ABCC9: variants seen among roughly 807,000 people sequenced by gnomAD.
ABCC9 encodes the protein ATP binding cassette subfamily C member 9.
In ABCC9, 95 loss-of-function variants were observed where a neutral mutation model predicts 188.3. The ratio of observed to expected loss-of-function variants is 0.50; its 90% CI spans 0.43 to 0.60. ABCC9 has a LOEUF of 0.60. Ranked by LOEUF, ABCC9 falls within the 20% of genes least tolerant of loss-of-function variation. The pLI is 0.00. For missense variants in ABCC9, 1,102 were observed against 1,876.3 expected, an observed-to-expected ratio of 0.59 and a Z score of 7.62; for synonymous variants, 659 against 652.7, an observed-to-expected ratio of 1.01 and a Z score of -0.15.
intron 31 of ABCC9, among the ~76,000 whole-genome samples, chr12:21,827,924 T>C (rs1442265284): frequency 3.3e-5 from 5 of 152,246 alleles, no homozygotes; most frequent in Non-Finnish European, 7.3e-5. Flanking sequence ...TTGTTTAATC[T>C]GTATCCATCA....
At position 21,917,101 on chromosome 12, in the gene ABCC9, G is replaced by A. The variant is rs1306664325; in HGVS notation, c.409C>T (p.Leu137=). Residue 137 remains leucine, a splice_region_variant and synonymous_variant, in exon 6 of 40, where the codon CTG becomes TTG. Transcript: ENST00000261200. ...TSNFPKLLLA[L]FLYWVMAFIT... ...AAGGCCATTACCCAATACAGGAACA[G>A]GGCTGAAAAGAAAAAGACAAAAAGA... is the stretch of plus-strand genomic sequence containing the variant. 5.6e-6 allele frequency: 9 copies of A among 1,613,420 alleles called. No individual in the cohort carries two copies. The highest frequency in any genetic ancestry group is 7.6e-6 in the Non-Finnish European group (9 of 1,179,542).
intron 5 of ABCC9, among the ~76,000 whole-genome samples, chr12:21,921,807 A>G (rs965889724): frequency 6.6e-6 from 1 of 152,080 alleles, no homozygotes; most frequent in Non-Finnish European, 1.5e-5. Context: ...CAGTTTTCCC[A>G]GAACCATTTA....
At chr12:21,809,776 T>C in intron 37 of ABCC9, 76 bp downstream of exon 37, 1 of 852,022 alleles carries the variant, frequency 1.2e-6, no homozygotes, top group Non-Finnish European at 2.0e-6. Flanking sequence ...TATGTGATTA[T>C]AGCATAAAAC....
chr12:21,861,628 G>A (rs1333468490), intron 20 of ABCC9, among the ~76,000 whole-genome samples: 2 of 152,140 alleles, frequency 1.3e-5, no homozygotes, highest in East Asian at 1.9e-4. Flanking sequence ...GTGGAAGTGA[G>A]TATAAAGCAC....
In ABCC9 at chr12:21,936,623, CATCGTTG is replaced by C; in HGVS notation, c.45_51del (p.Ile15MetfsTer55). On this transcript the variant is annotated frameshift_variant, in exon 3 of 40. Transcript: ENST00000261200. LOFTEE classifies it high-confidence loss of function. ...ACAAAGCAGGAATTTTGTAGTACAC[CATCGTTG>C]ATATTATATGAAGAAATGTTGTTAC... 1 of 1,611,028 alleles carries C rather than the reference CATCGTTG, an allele frequency of 6.2e-7. No individual in the cohort carries two copies.
chr12:21,803,739 C>G (rs1346012618), intron 39 of ABCC9, among the ~76,000 whole-genome samples: 1 of 150,066 alleles, frequency 6.7e-6, no homozygotes, highest in Non-Finnish European at 1.5e-5. Flanking sequence ...ATCCAAATAA[C>G]TTTTCCTTGA....
intron 12 of ABCC9, among the ~76,000 whole-genome samples, chr12:21,900,982 A>G (rs1740670600): frequency 6.6e-6 from 1 of 152,212 alleles, no homozygotes; most frequent in Non-Finnish European, 1.5e-5. Context: ...CGAGAAGAGC[A>G]ACTCCAAGAC....
chr12:21,913,843 CTCAATTATGT>C (rs1010633066), intron 7 of ABCC9, among the ~76,000 whole-genome samples: 1 of 152,070 alleles, frequency 6.6e-6, no homozygotes, highest in Admixed American at 6.6e-5. Context: ...TAGAATAGAG[CTCAATTATGT>C]TCCCTATGCA....
chr12:21,875,660 G>C lies in ABCC9; in HGVS notation c.2086C>G (p.Pro696Ala). 1 of 1,609,386 alleles carries C rather than the reference G, an allele frequency of 6.2e-7. No individual in the cohort carries two copies. The highest frequency in any genetic ancestry group is 8.5e-7 in the Non-Finnish European group (1 of 1,175,846). The change falls in exon 17 of 40, where the codon CCA becomes GCA. Residue 696 changes from proline to alanine, a missense_variant. Around this residue, in one of 12 missense-constraint regions of ABCC9, gnomAD observed 258 missense variants for 325.6 expected, o/e 0.79. Coordinates refer to ENST00000261200, the MANE Select transcript of ABCC9 (RefSeq NM_020297.4). ...ATLSNIDIRI[P>A]TGQLTMIVGQ... Reference sequence around the variant, plus strand: ...CATAACAGATAACTCTTACCTGTTGGAATTCGAATATCTATATTGGATAAT... The same window carrying C: ...CATAACAGATAACTCTTACCTGTTGCAATTCGAATATCTATATTGGATAAT...
intron 12 of ABCC9, among the ~76,000 whole-genome samples, chr12:21,904,056 G>T (rs1350263933): frequency 1.3e-5 from 2 of 152,152 alleles, no homozygotes; most frequent in African/African-American, 2.4e-5. Context: ...AACCAAAACA[G>T]CATGGTACTG....
chr12:21,929,265 A>G (rs1027678014), intron 4 of ABCC9, among the ~76,000 whole-genome samples: 2 of 151,978 alleles, frequency 1.3e-5, no homozygotes, highest in African/African-American at 4.8e-5. Flanking sequence ...TAAAAATGCT[A>G]ATAAACCACA....
At position 21,865,984 on chromosome 12, in the gene ABCC9, C is replaced by G. The variant is rs556730219; in HGVS notation, c.2199-1507G>C. On this transcript the variant is annotated intron_variant, in intron 18 of 39. Coordinates refer to ENST00000261200, the MANE Select transcript of ABCC9 (RefSeq NM_020297.4). ...AAAACAAAGAAGCAAAGAACCAGAG[C>G]ACCAAGCCACTTTTAGCAAATCAGA... Among the ~76,000 whole-genome samples, 3 of 151,308 alleles carry G rather than the reference C, an allele frequency of 2.0e-5. No individual in the cohort carries two copies. In the South Asian group the frequency reaches 6.3e-4, roughly 32 times the overall value.
rs533563553 is a variant in ABCC9 at position 21,911,936 on chromosome 12, A to G, written c.1011+936T>C. ...GCAAGGATCTGGGCTAAGCATTGTG[A>G]ACACAAATATGAATGGCTCACCGTA... On this transcript the variant is annotated intron_variant, in intron 8 of 39. Transcript: ENST00000261200. Among the ~76,000 whole-genome samples the G allele has an allele frequency of 5.3e-5, 8 of 151,988 alleles. No homozygotes were observed. The South Asian group carries it at 1.7e-3, about 32-fold the overall frequency.
intron 31 of ABCC9, among the ~76,000 whole-genome samples, chr12:21,820,021 C>T (rs1400875452): frequency 6.6e-6 from 1 of 152,160 alleles, no homozygotes; most frequent in East Asian, 1.9e-4. Context: ...GGCTGTTCTT[C>T]TGCAGTTTAT....
intron 10 of ABCC9, among the ~76,000 whole-genome samples, chr12:21,909,821 A>T (rs1335052135): frequency 6.6e-6 from 1 of 151,938 alleles, no homozygotes; most frequent in African/African-American, 2.4e-5. Context: ...GATGTTATAG[A>T]CATATTAATC....
chr12:21,909,995 C>G (rs895110140), intron 10 of ABCC9, among the ~76,000 whole-genome samples, 162 bp downstream of exon 10: 2 of 151,892 alleles, frequency 1.3e-5, no homozygotes, highest in African/African-American at 4.8e-5. Flanking sequence ...TCTTGCTTAA[C>G]CTATGCTATA....
At chr12:21,895,448 G>C in intron 12 of ABCC9, 133 bp from the exon 13 acceptor site, 2 of 781,002 alleles carry the variant, frequency 2.6e-6, no homozygotes, top group Non-Finnish European at 4.3e-6. Context: ...ATTTTGTCTG[G>C]AGTCCACAAA....
At chr12:21,822,552 C>A (rs1186853480) in intron 31 of ABCC9, among the ~76,000 whole-genome samples, 1 of 152,080 alleles carries the variant, frequency 6.6e-6, no homozygotes, top group Non-Finnish European at 1.5e-5. Context: ...GTAATCCCAG[C>A]ACTTTGGGAG....
At chr12:21,853,761 A>G (rs1310789504) in intron 22 of ABCC9, among the ~76,000 whole-genome samples, 5 of 152,182 alleles carry the variant, frequency 3.3e-5, no homozygotes, top group Non-Finnish European at 7.3e-5. Context: ...GTTAGAAAGC[A>G]AAGTGACCTG....
Sources: allele counts gnomAD v4.1 joint callset (sites outside exome capture counted in the v4.1 genomes callset), GRCh38; gene constraint gnomAD v4.1.1; regional missense constraint gnomAD v4.1.1; transcripts MANE v1.5; gene names NCBI Gene and HGNC (gene_info 2026-07-23, HGNC 2026-07-21).